NRP2: variants seen among roughly 807,000 people sequenced by gnomAD.
NRP2 encodes neuropilin 2, also known as neuropilin-2.
Under a neutral mutation model 110.4 loss-of-function variants are expected in NRP2, and 52 were observed. That is an observed-to-expected ratio of 0.47 (90% CI 0.38 to 0.59). The LOEUF is 0.59. NRP2 is among the 20% of genes least tolerant of loss of function. The pLI is 0.00. For missense variants in NRP2, 1,049 were observed against 1,203.0 expected (o/e 0.87, Z 1.89); for synonymous variants, 508 against 468.9 (o/e 1.08, Z -1.08).
intron 1 of NRP2, among the ~76,000 whole-genome samples, chr2:205,692,903 A>G (rs1392920017): frequency 6.6e-6 from 1 of 152,220 alleles, no homozygotes; most frequent in African/African-American, 2.4e-5. Context: ...CTCTCATTCT[A>G]TAGATGAGAA....
In NRP2 at chr2:205,683,336, T is replaced by G; in HGVS notation, c.46T>G (p.Ser16Ala). 6.2e-7 allele frequency: 1 copy of G among 1,614,030 alleles called. No homozygotes were observed. The highest frequency in any genetic ancestry group is 8.5e-7 in the Non-Finnish European group (1 of 1,179,878). Residue 16 changes from serine to alanine, a missense_variant, in exon 1 of 17, where the codon TCA becomes GCA. Transcript: ENST00000357785. ...CTGGGTTTTCTTAGCCCTCTACTTT[T>G]CAAGACACCAAGTGAGAGGCCAACC... is the stretch of plus-strand genomic sequence containing the variant. ...LTWVFLALYF[S>A]RHQVRGQPDP...
intron 2 of NRP2, among the ~76,000 whole-genome samples, chr2:205,709,462 C>T (rs1380217457): frequency 2.0e-5 from 3 of 152,304 alleles, no homozygotes; most frequent in East Asian, 1.9e-4. Context: ...TGCCACCACC[C>T]GCAAAGGTGG....
chr2:205,764,714 A>T (rs1298203870), intron 13 of NRP2, among the ~76,000 whole-genome samples: 1 of 152,136 alleles, frequency 6.6e-6, no homozygotes, highest in East Asian at 1.9e-4. Context: ...AAGACCACAG[A>T]GCCGAGGGGC....
intron 15 of NRP2, among the ~76,000 whole-genome samples, chr2:205,771,541 CTT>C (rs1282209449): frequency 6.6e-6 from 1 of 152,214 alleles, no homozygotes; most frequent in Non-Finnish European, 1.5e-5. Context: ...CCCTTGGTGT[CTT>C]TCAAAACACT....
At chr2:205,738,250 C>G (rs1459325558) in intron 7 of NRP2, among the ~76,000 whole-genome samples, 1 of 152,160 alleles carries the variant, frequency 6.6e-6, no homozygotes, top group African/African-American at 2.4e-5. Flanking sequence ...AACTCCTTAG[C>G]GTCTCCTGAT....
chr2:205,724,044 C>G (rs2057076212), intron 5 of NRP2, 104 bp downstream of exon 5: 1 of 1,310,756 alleles, frequency 7.6e-7, no homozygotes, highest in Admixed American at 1.8e-5. Flanking sequence ...GATGGGAACT[C>G]TACGGAATTT....
intron 7 of NRP2, among the ~76,000 whole-genome samples, chr2:205,734,092 G>A (rs1454399006): frequency 2.0e-5 from 3 of 152,118 alleles, no homozygotes; most frequent in African/African-American, 7.2e-5. Flanking sequence ...GGTCATCAGA[G>A]TCCTAAATGT....
chr2:205,758,263 A>G lies in NRP2; in HGVS notation c.2044+5288A>G, dbSNP rs180706210. Among the ~76,000 whole-genome samples, 3 of 152,318 alleles carry G rather than the reference A, an allele frequency of 2.0e-5. No homozygotes were observed. In the East Asian group the frequency reaches 5.8e-4, roughly 29 times the overall value. On this transcript the variant is annotated intron_variant, in intron 12 of 16. Coordinates refer to ENST00000357785, the MANE Select transcript of NRP2 (RefSeq NM_003872.3). ...GACTACATCTCCTACAGCACTAAATATTCTTTCAGATGGTCGTTCTAGTAG... is the reference window on the plus strand; with the variant it reads ...GACTACATCTCCTACAGCACTAAATGTTCTTTCAGATGGTCGTTCTAGTAG...
At chr2:205,758,471 C>T (rs954642712) in intron 12 of NRP2, among the ~76,000 whole-genome samples, 1 of 152,192 alleles carries the variant, frequency 6.6e-6, no homozygotes, top group African/African-American at 2.4e-5. Context: ...CAGCTGAAGC[C>T]AGATGCGGCC....
chr2:205,747,451 C>A (rs2057558410), intron 10 of NRP2, among the ~76,000 whole-genome samples: 1 of 152,196 alleles, frequency 6.6e-6, no homozygotes, highest in Non-Finnish European at 1.5e-5. Context: ...TAGACTACTG[C>A]CTGCACCCAG....
intron 2 of NRP2, among the ~76,000 whole-genome samples, chr2:205,698,989 T>A (rs1446850690): frequency 6.6e-6 from 1 of 152,234 alleles, no homozygotes; most frequent in Non-Finnish European, 1.5e-5. Context: ...AGTGAATTGA[T>A]GTCATTATTA....
chr2:205,708,204 C>T (rs769133122), intron 2 of NRP2, among the ~76,000 whole-genome samples: 13 of 152,210 alleles, frequency 8.5e-5, no homozygotes, highest in Non-Finnish European at 1.9e-4. Flanking sequence ...AGCAGACCAA[C>T]GAAAGACCCA....
rs533456094 is a variant in NRP2 at position 205,732,882 on chromosome 2, A to T, written c.1146+4836A>T. 7.6e-5 allele frequency among the ~76,000 whole-genome samples: 11 copies of T among 145,520 alleles called. No individual in the cohort carries two copies. The East Asian group carries it at 1.9e-3, about 26-fold the overall frequency. ...AGTTTTCAGGAAAAACCTTTTTTTT[A>T]AAAAAACCTCCTGGCAGATGATGGG... is the stretch of plus-strand genomic sequence containing the variant. On this transcript the variant is annotated intron_variant, in intron 7 of 16. Coordinates refer to ENST00000357785, the MANE Select transcript of NRP2 (RefSeq NM_003872.3).
rs181189680 is a variant in NRP2, at chr2:205,746,122, A to G, written c.1786+232A>G. 2.7e-3 allele frequency among the ~76,000 whole-genome samples: 405 copies of G among 152,226 alleles called. 1 individual carries two copies. Among genetic ancestry groups the G allele is most frequent in the Non-Finnish European group, 3.8e-3 (257 of 67,998 alleles). ...TTTAAGGGATCATTTCAGTTCTCCAACCCGAGTCTCTCAAAAACAAATCAT... is the reference window on the plus strand; with the variant it reads ...TTTAAGGGATCATTTCAGTTCTCCAGCCCGAGTCTCTCAAAAACAAATCAT... On this transcript the variant is annotated intron_variant, in intron 10 of 16. Transcript: ENST00000357785.
At chr2:205,784,001 G>GACACACACACACACAC (rs56303275) in intron 15 of NRP2, among the ~76,000 whole-genome samples, 1,620 of 148,740 alleles carry the variant, frequency 0.011, 16 homozygotes, top group African/African-American at 0.023. Context: ...ATCTCTCTCT[G>GACACACACACACACAC]ACACACACAC....
intron 2 of NRP2, chr2:205,701,696 A>G (rs1222158822): frequency 2.0e-5 from 3 of 152,220 alleles, no homozygotes; most frequent in East Asian, 3.8e-4. Context: ...TCAGCCCAGC[A>G]ATATCTCATA....
chr2:205,767,332 G>A (rs139958446), intron 15 of NRP2: 13 of 479,594 alleles, frequency 2.7e-5, no homozygotes, highest in African/African-American at 7.8e-5. Context: ...AGTGAGGTAC[G>A]GTGGCAGGCT....
chr2:205,769,505 TACACACACAC>T (rs56837273), intron 15 of NRP2, among the ~76,000 whole-genome samples: 8 of 145,216 alleles, frequency 5.5e-5, no homozygotes, highest in African/African-American at 7.6e-5. Context: ...TATACATACA[TACACACACAC>T]ACACACACAC....
chr2:205,736,737 T>C (rs915832095), intron 7 of NRP2, among the ~76,000 whole-genome samples: 3 of 152,224 alleles, frequency 2.0e-5, no homozygotes, highest in Non-Finnish European at 4.4e-5. Context: ...TTGCCTATAA[T>C]GATTCAGTGA....
Sources: gnomAD v4.1 joint callset for allele counts (sites outside exome capture counted in the v4.1 genomes callset) on GRCh38, gnomAD v4.1.1 for gene constraint, MANE v1.5 for transcripts, NCBI Gene and HGNC (gene_info 2026-07-23, HGNC 2026-07-21) for gene names.